CLCN5: variants seen among roughly 807,000 people sequenced by gnomAD.
The protein encoded by CLCN5 is H(+)/Cl(-) exchange transporter 5.
Under a neutral mutation model 54.0 loss-of-function variants are expected in CLCN5, and 17 were observed. The observed-to-expected ratio is 0.31, with a 90% CI of 0.22 to 0.47. The LOEUF (loss-of-function observed/expected upper bound fraction) is 0.47, where lower values mean the gene tolerates loss of function less well. Among genes scored for constraint, CLCN5 ranks in the 20% least tolerant of loss-of-function variants. The pLI is 1.00. For synonymous variants in CLCN5, 222 were observed against 233.0 expected, an observed-to-expected ratio of 0.95 and a Z score of 0.43; for missense variants, 448 against 646.7, an observed-to-expected ratio of 0.69 and a Z score of 3.33.
chrX:50,056,997 G>T (rs962769763), intron 4 of CLCN5, among the ~76,000 whole-genome samples: 3 of 111,611 alleles, frequency 2.7e-5, no homozygotes, highest in African/African-American at 9.8e-5. Context: ...TCCTTCCTGC[G>T]TGTTAGACAC....
chrX:50,093,093 T>A lies in CLCN5; in HGVS notation c.*874T>A. 1 of 112,069 alleles carries A rather than the reference T, an allele frequency of 8.9e-6. No homozygotes were observed. The highest frequency in any genetic ancestry group is 1.9e-5 in the Non-Finnish European group (1 of 53,230). The allele number at this position is 112,069 out of a possible 1,213,427, so 9.2% of individuals were successfully genotyped here. On this transcript the variant is annotated 3_prime_UTR_variant, in exon 15 of 15. Coordinates refer to ENST00000376091, the MANE Select transcript of CLCN5 (RefSeq NM_001127898.4). The stretch of plus-strand genomic sequence containing the variant: ...TCTAAGCAAAGTCAATGACTAGGAG[T>A]TTCACATGTTTGTGAGGTCCTAACT...
chrX:50,003,876 G>C (rs1930013538), intron 3 of CLCN5, among the ~76,000 whole-genome samples: 1 of 111,810 alleles, frequency 8.9e-6, no homozygotes, highest in Non-Finnish European at 1.9e-5. Flanking sequence ...AACCTTCTCA[G>C]GACTCCTGTA....
rs138218859 is a variant in CLCN5 at position 50,075,250 on chromosome X, C to G, written c.416-545C>G. ...CTCAAATTCCCTTGTCCATGGAGCACAATCCTACTATTAAGGCTTAGCCCT... is the reference window on the plus strand; with the variant it reads ...CTCAAATTCCCTTGTCCATGGAGCAGAATCCTACTATTAAGGCTTAGCCCT... On this transcript the variant is annotated intron_variant, in intron 6 of 14. Coordinates refer to ENST00000376091, the MANE Select transcript of CLCN5 (RefSeq NM_001127898.4). 1.6e-3 allele frequency among the ~76,000 whole-genome samples: 175 copies of G among 110,893 alleles called. 1 individual carries two copies. In the East Asian group the frequency reaches 0.028, roughly 18 times the overall value.
In CLCN5 at chrX:50,063,040, C is replaced by T. The variant is rs181742037; in HGVS notation, c.164-6839C>T. On this transcript the variant is annotated intron_variant, in intron 4 of 14. Coordinates refer to ENST00000376091, the MANE Select transcript of CLCN5 (RefSeq NM_001127898.4). ...AGAGGGAAATTTATAGCACTAAATG[C>T]GCACAAGAGAAAGCAGGAAAGATCT... Among the ~76,000 whole-genome samples, 35 of 110,216 alleles carry T rather than the reference C, an allele frequency of 3.2e-4. No homozygotes were observed. The East Asian group carries it at 6.5e-3, about 21-fold the overall frequency.
intron 3 of CLCN5, among the ~76,000 whole-genome samples, chrX:49,943,757 TC>T (rs1309834315): frequency 3.6e-5 from 4 of 111,771 alleles, no homozygotes; most frequent in African/African-American, 1.3e-4. Context: ...GTTCCATTGG[TC>T]TATATCTCTG....
chrX:50,082,904 G>A (rs1465851914), intron 9 of CLCN5, among the ~76,000 whole-genome samples: 2 of 110,821 alleles, frequency 1.8e-5, no homozygotes, highest in East Asian at 2.8e-4. Flanking sequence ...TCTACCTTTT[G>A]TTTCAGCCCA....
Position 49,936,121 on chromosome X carries a change from G to C in CLCN5, c.16+10807G>C, listed in dbSNP as rs782109036. On this transcript the variant is annotated intron_variant, in intron 3 of 14. Coordinates refer to ENST00000376091, the MANE Select transcript of CLCN5 (RefSeq NM_001127898.4). ...AGGTGCTTTGCAAAATAATTCACTA[G>C]ATTCTATGTAGTGATGCTTATAGGT... 6.3e-5 allele frequency among the ~76,000 whole-genome samples: 7 copies of C among 111,733 alleles called. No individual in the cohort carries two copies. In the South Asian group the frequency reaches 2.7e-3, roughly 42 times the overall value.
intron 3 of CLCN5, among the ~76,000 whole-genome samples, chrX:49,999,657 ATGG>A (rs1429143162): frequency 9.0e-5 from 10 of 111,275 alleles, no homozygotes; most frequent in Non-Finnish European, 1.9e-4. Flanking sequence ...TCCATTAAGG[ATGG>A]TGGGCAGTTT....
At chrX:50,062,689 A>G (rs1296930685) in intron 4 of CLCN5, among the ~76,000 whole-genome samples, 1 of 99,512 alleles carries the variant, frequency 1.0e-5, no homozygotes, top group Middle Eastern at 4.2e-3. Context: ...CTCCACCCCA[A>G]ATCAACAGAA....
chrX:49,995,964 T>C (rs1929503865), intron 3 of CLCN5, among the ~76,000 whole-genome samples: 1 of 111,912 alleles, frequency 8.9e-6, no homozygotes, highest in African/African-American at 3.3e-5. Flanking sequence ...TTCTGTTGTT[T>C]AGTGCTTTGC....
intron 3 of CLCN5, among the ~76,000 whole-genome samples, chrX:50,007,399 C>T (rs868930741): frequency 2.4e-4 from 9 of 37,731 alleles, no homozygotes; most frequent in African/African-American, 1.4e-3. Context: ...CTCTCTCTTT[C>T]TCTCTCTCTC....
At chrX:50,052,917 A>G (rs1557188547) in intron 4 of CLCN5, among the ~76,000 whole-genome samples, 1 of 111,851 alleles carries the variant, frequency 8.9e-6, no homozygotes, top group African/African-American at 3.2e-5. Context: ...TGTACACCTT[A>G]TTTGTCAGTT....
intron 3 of CLCN5, among the ~76,000 whole-genome samples, chrX:50,026,879 G>C (rs1453998125): frequency 9.0e-6 from 1 of 111,631 alleles, no homozygotes; most frequent in African/African-American, 3.3e-5. Flanking sequence ...CGTAGGTATA[G>C]ATTTTTTTGT....
At chrX:50,004,353 G>A (rs12839980) in intron 3 of CLCN5, among the ~76,000 whole-genome samples, 1 of 111,114 alleles carries the variant, frequency 9.0e-6, no homozygotes, top group Non-Finnish European at 1.9e-5. Context: ...TAAGTGCTCT[G>A]GAGAATAATA....
intron 4 of CLCN5, among the ~76,000 whole-genome samples, chrX:50,063,617 C>G (rs1271551598): frequency 4.6e-5 from 5 of 107,615 alleles, no homozygotes; most frequent in Admixed American, 9.8e-5. Flanking sequence ...TGAAACTATT[C>G]CAATCAATAG....
intron 4 of CLCN5, among the ~76,000 whole-genome samples, chrX:50,057,888 G>C (rs1932790602): frequency 9.0e-6 from 1 of 110,816 alleles, no homozygotes; most frequent in African/African-American, 3.3e-5. Flanking sequence ...GGATGTGAAA[G>C]AGTTTATGTG....
At chrX:49,927,104 A>G (rs942337060) in intron 3 of CLCN5, among the ~76,000 whole-genome samples, 6 of 111,483 alleles carry the variant, frequency 5.4e-5, no homozygotes, top group Non-Finnish European at 1.1e-4. Context: ...TGTCAGGTCA[A>G]TGTTTCAAAG....
intron 3 of CLCN5, among the ~76,000 whole-genome samples, chrX:49,997,473 G>A (rs1557179801): frequency 9.0e-6 from 1 of 110,582 alleles, no homozygotes; most frequent in African/African-American, 3.3e-5. Flanking sequence ...CATACATTCA[G>A]TCTTCCTAGT....
intron 4 of CLCN5, among the ~76,000 whole-genome samples, chrX:50,064,452 AG>A (rs1302264772): frequency 1.2e-5 from 1 of 80,477 alleles, no homozygotes; most frequent in Non-Finnish European, 2.4e-5. Flanking sequence ...CCAACTTACA[AG>A]GGATGTGAAG....
Sources: allele counts gnomAD v4.1 joint callset (sites outside exome capture counted in the v4.1 genomes callset), GRCh38; gene constraint gnomAD v4.1.1; transcripts MANE v1.5; gene names NCBI Gene and HGNC (gene_info 2026-07-23, HGNC 2026-07-21).